CCL28: variants seen among roughly 807,000 people sequenced by gnomAD.
CCL28 encodes C-C motif chemokine 28.
Under a neutral mutation model 7.1 loss-of-function variants are expected in CCL28, and 4 were observed. The observed-to-expected ratio is 0.56, with a 90% confidence interval of 0.28 to 1.29. The LOEUF is 1.29. Ranked by LOEUF, CCL28 falls within the 50% of genes most tolerant of loss-of-function variation. The probability of loss-of-function intolerance (pLI) is 0.11; values close to 1 mark genes in which losing one functional copy is unlikely to be tolerated. For synonymous variants in CCL28, 55 were observed against 57.8 expected (o/e 0.95, Z 0.22); for missense variants, 151 against 163.4 (o/e 0.92, Z 0.41).
At chr5:43,367,655 G>T in the CCL28 span, among the ~76,000 whole-genome samples, 1 of 152,080 alleles carries the variant, frequency 6.6e-6, no homozygotes, top group African/African-American at 2.4e-5. Flanking sequence ...GCTGGGAGAT[G>T]CAGGCCCCAC....
chr5:43,388,512 C>T lies in CCL28; in HGVS notation c.65-36G>A, dbSNP rs534334772. 92 of 1,601,742 alleles carry T rather than the reference C, an allele frequency of 5.7e-5. No homozygotes were observed. The East Asian group carries it at 8.3e-4, about 14-fold the overall frequency. ...AAAAGAAAGAAAATGTTAAATTTTA[C>T]GGTTTATAGAACACTGGCATGGTTC... On this transcript the variant is annotated intron_variant, in intron 1 of 2. Coordinates refer to ENST00000361115, the MANE Select transcript of CCL28 (RefSeq NM_148672.3).
the CCL28 span, among the ~76,000 whole-genome samples, chr5:43,359,469 T>C: frequency 6.6e-6 from 1 of 152,188 alleles, no homozygotes. Flanking sequence ...CACCTTTAAG[T>C]GGTTTTCTGC....
intron 2 of CCL28, among the ~76,000 whole-genome samples, chr5:43,384,638 C>G (rs1740261516): frequency 6.6e-6 from 1 of 151,926 alleles, no homozygotes. Flanking sequence ...TGAGGCCAAT[C>G]CCCCTTTTTT....
chr5:43,377,746 T>TTTTTTTTTTTTTTTTTTTTC (rs1739941777), downstream of CCL28, among the ~76,000 whole-genome samples: 1 of 117,108 alleles, frequency 8.5e-6, no homozygotes, highest in Admixed American at 8.4e-5. Context: ...TTTTTTTTTT[T>TTTTTTTTTTTTTTTTTTTTC]TTTTGAGACG....
intron 1 of CCL28, among the ~76,000 whole-genome samples, chr5:43,411,331 T>C (rs1579760315): frequency 6.6e-6 from 1 of 152,202 alleles, no homozygotes; most frequent in African/African-American, 2.4e-5. Context: ...TACTGACACT[T>C]AGGGTTTCCT....
intron 1 of CCL28, among the ~76,000 whole-genome samples, chr5:43,411,647 A>G (rs1741539355): frequency 6.6e-6 from 1 of 152,148 alleles, no homozygotes; most frequent in African/African-American, 2.4e-5. Context: ...GCTCACTGCA[A>G]TCTTGAATTC....
chr5:43,408,138 G>A lies in CCL28; in HGVS notation c.64+4115C>T, dbSNP rs371162732. On this transcript the variant is annotated intron_variant, in intron 1 of 2. Coordinates refer to ENST00000361115, the MANE Select transcript of CCL28 (RefSeq NM_148672.3). Reference sequence around the variant, plus strand: ...TATTTGACCAGCCATCCCATTACTGGGCATTTACCCAAAGGATTATAAATC... The same window carrying A: ...TATTTGACCAGCCATCCCATTACTGAGCATTTACCCAAAGGATTATAAATC... Among the ~76,000 whole-genome samples the A allele has an allele frequency of 6.6e-5, 10 of 152,274 alleles. No homozygotes were observed. The East Asian group carries it at 1.2e-3, about 18-fold the overall frequency.
the CCL28 span, among the ~76,000 whole-genome samples, chr5:43,366,490 G>A: frequency 6.6e-6 from 1 of 152,316 alleles, no homozygotes; most frequent in South Asian, 2.1e-4. Context: ...GGTATCACCA[G>A]TGGAGGCTGC....
chr5:43,365,021 T>TTTTTTTA, the CCL28 span, among the ~76,000 whole-genome samples: 1 of 150,192 alleles, frequency 6.7e-6, no homozygotes. Flanking sequence ...TTTTTTTTTT[T>TTTTTTTA]TTGAGATGGC....
the CCL28 span, among the ~76,000 whole-genome samples, chr5:43,361,836 G>C: frequency 6.9e-6 from 1 of 144,916 alleles, no homozygotes; most frequent in African/African-American, 2.6e-5. Flanking sequence ...TCTCTATTCT[G>C]TTCCATTGAT....
the CCL28 span, among the ~76,000 whole-genome samples, chr5:43,366,635 T>C: frequency 1.5e-4 from 23 of 152,240 alleles, no homozygotes; most frequent in South Asian, 6.2e-4. Context: ...AGGGACCCAC[T>C]TGAGAAGGCA....
chr5:43,373,683 T>C (rs964896283), downstream of CCL28, among the ~76,000 whole-genome samples: 3 of 152,200 alleles, frequency 2.0e-5, no homozygotes, highest in Non-Finnish European at 2.9e-5. Context: ...CAACAGGGCA[T>C]CATCTCCTTT....
the CCL28 span, among the ~76,000 whole-genome samples, chr5:43,366,663 G>A: frequency 6.6e-6 from 1 of 152,236 alleles, no homozygotes. Flanking sequence ...CCTTAGCAGA[G>A]CTCAAGTGCT....
chr5:43,408,647 A>T (rs1426925556), intron 1 of CCL28, among the ~76,000 whole-genome samples: 2 of 152,162 alleles, frequency 1.3e-5, no homozygotes, highest in Non-Finnish European at 2.9e-5. Context: ...ATAAAAAAAA[A>T]TTGGTGTGGA....
At chr5:43,410,552 C>A (rs1330807859) in intron 1 of CCL28, among the ~76,000 whole-genome samples, 3 of 152,072 alleles carry the variant, frequency 2.0e-5, no homozygotes, top group African/African-American at 7.2e-5. Flanking sequence ...GCCGTTCCAC[C>A]CCACCGTCTC....
chr5:43,408,062 A>G (rs779857), intron 1 of CCL28, among the ~76,000 whole-genome samples: 1 of 152,232 alleles, frequency 6.6e-6, no homozygotes, highest in East Asian at 1.9e-4. Flanking sequence ...CTAGTTCAAC[A>G]ATTGTGGAAG....
downstream of CCL28, among the ~76,000 whole-genome samples, chr5:43,374,559 G>A (rs979834837): frequency 3.9e-5 from 6 of 152,090 alleles, no homozygotes; most frequent in Non-Finnish European, 8.8e-5. Context: ...AAGGCGGGCG[G>A]ATCACGAGGT....
At chr5:43,406,879 C>G (rs554694548) in intron 1 of CCL28, among the ~76,000 whole-genome samples, 1 of 152,174 alleles carries the variant, frequency 6.6e-6, no homozygotes. Context: ...CATGAGTGAA[C>G]TCCCATTCAC....
chr5:43,361,587 T>C, the CCL28 span, among the ~76,000 whole-genome samples: 5 of 152,232 alleles, frequency 3.3e-5, no homozygotes, highest in African/African-American at 4.8e-5. Flanking sequence ...AGAATGGCAC[T>C]GCCTAGGTTG....
Sources: allele counts gnomAD v4.1 joint callset (sites outside exome capture counted in the v4.1 genomes callset), GRCh38; gene constraint gnomAD v4.1.1; transcripts MANE v1.5; gene names NCBI Gene and HGNC (gene_info 2026-07-23, HGNC 2026-07-21).